The following ELSPBP1 variants were observed in gnomAD, a reference collection of about 807,000 sequenced individuals.
ELSPBP1 encodes the protein epididymal sperm-binding protein 1.
Under a neutral mutation model 33.3 loss-of-function variants are expected in ELSPBP1, and 38 were observed. The observed-to-expected ratio is 1.14, with a 90% CI of 0.88 to 1.50. The LOEUF is 1.50. Among genes scored for constraint, ELSPBP1 ranks in the 40% most tolerant of loss-of-function variants. ELSPBP1 has a pLI of 0.00. For missense variants in ELSPBP1, 267 were observed against 263.5 expected (o/e 1.01, Z -0.09); for synonymous variants, 85 against 94.1 (o/e 0.90, Z 0.56).
At chr19:48,002,295 C>T (rs749854515) in intron 1 of ELSPBP1, among the ~76,000 whole-genome samples, 15 of 152,138 alleles carry the variant, frequency 9.9e-5, no homozygotes, top group Non-Finnish European at 1.8e-4. Context: ...CTGTCTGGAT[C>T]TTAGCATCTA....
intron 6 of ELSPBP1, among the ~76,000 whole-genome samples, chr19:48,023,389 G>GA (rs149811275): frequency 0.47 from 47,338 of 99,776 alleles, 11,456 homozygotes; most frequent in East Asian, 0.75. Context: ...AAGGAGGGAG[G>GA]AGGGAGGGAG....
At position 48,014,297 on chromosome 19, in the gene ELSPBP1, G is replaced by A. The variant is rs1967108759; in HGVS notation, c.197G>A (p.Cys66Tyr). Reference protein sequence around the residue: ...RAVYNGQWKYCQSEDYPRCIF... With the variant: ...RAVYNGQWKYYQSEDYPRCIF... ...GTGTACAACGGCCAGTGGAAGTACT[G>A]CCAGAGTGAAGGTGAGTGGTATCAC... The change falls in exon 3 of 7, where the codon TGC becomes TAC. Residue 66 changes from cysteine (C) to tyrosine (Y), a missense_variant. Coordinates refer to ENST00000339841, the MANE Select transcript of ELSPBP1 (RefSeq NM_022142.5). The A allele has an allele frequency of 1.2e-6, 2 of 1,613,506 alleles. No individual in the cohort carries two copies. Among genetic ancestry groups the A allele is most frequent in the South Asian group, 2.2e-5 (2 of 91,078 alleles).
Position 47,995,232 on chromosome 19 carries a change from GAA to G in ELSPBP1, c.-18+422_-18+423del, listed in dbSNP as rs559455630. ...GAAGGGGACAGCCAGAGAAAGTAGG[GAA>G]GGTGGTCTTGTGGGTGAGGTCCTTT... On this transcript the variant is annotated intron_variant, in intron 1 of 6. Coordinates refer to ENST00000339841, the MANE Select transcript of ELSPBP1 (RefSeq NM_022142.5). Among the ~76,000 whole-genome samples the G allele has an allele frequency of 3.9e-3, 591 of 152,298 alleles. 1 individual carries two copies. The highest frequency in any genetic ancestry group is 0.014 in the African/African-American group (564 of 41,564).
At chr19:48,016,559 CCTT>C (rs1967143960) in intron 4 of ELSPBP1, among the ~76,000 whole-genome samples, 1 of 85,342 alleles carries the variant, frequency 1.2e-5, no homozygotes, top group Non-Finnish European at 2.5e-5. Flanking sequence ...TTCCTTCCTT[CCTT>C]CCTTCCTCCC....
intron 2 of ELSPBP1, 110 bp downstream of exon 2, chr19:48,008,847 CAGA>C (rs1356174486): frequency 1.1e-5 from 11 of 986,730 alleles, no homozygotes; most frequent in African/African-American, 1.6e-5. Flanking sequence ...GCAAAAATCT[CAGA>C]AGAAGCTGGG....
intron 3 of ELSPBP1, among the ~76,000 whole-genome samples, chr19:48,015,217 G>A (rs557616002): frequency 4.6e-5 from 7 of 152,178 alleles, no homozygotes; most frequent in Non-Finnish European, 1.0e-4. Flanking sequence ...CAGCATAAAG[G>A]TCATTAGCAT....
In ELSPBP1 at chr19:48,009,532, A is replaced by G. The variant is rs139675927; in HGVS notation, c.70+795A>G. ...TCATTCACTCAAGCCTTGGTGAGTC[A>G]TTCTTCACAATTAGAATCCTTTTCT... On this transcript the variant is annotated intron_variant, in intron 2 of 6. Transcript: ENST00000339841. Among the ~76,000 whole-genome samples, 1,099 of 152,344 alleles carry G rather than the reference A, an allele frequency of 7.2e-3. 8 individuals are homozygous for G. Among genetic ancestry groups the G allele is most frequent in the South Asian group, 0.014 (66 of 4,824 alleles).
intron 1 of ELSPBP1, among the ~76,000 whole-genome samples, chr19:47,995,549 C>G (rs1966904694): frequency 6.6e-6 from 1 of 152,160 alleles, no homozygotes; most frequent in South Asian, 2.1e-4. Context: ...GCTTCTCCCT[C>G]CAAAGGCAGC....
chr19:48,011,331 CTGA>C lies in ELSPBP1; in HGVS notation c.70+2604_70+2606del, dbSNP rs796241342. Among the ~76,000 whole-genome samples, 153 of 147,768 alleles carry C rather than the reference CTGA, an allele frequency of 1.0e-3. 2 individuals carry two copies. The South Asian group carries it at 0.026, about 25-fold the overall frequency. ...AGGTTGATAATGATGGTGACAATGA[CTGA>C]TGATGATGACAATTATGACGATGAT... On this transcript the variant is annotated intron_variant, in intron 2 of 6. Coordinates refer to ENST00000339841, the MANE Select transcript of ELSPBP1 (RefSeq NM_022142.5). This position sits in a 1 kb window ranked among gnomAD's most constrained non-coding sequence, Gnocchi z 4.5.
chr19:48,015,109 C>T (rs1287599611), intron 3 of ELSPBP1, among the ~76,000 whole-genome samples: 5 of 151,866 alleles, frequency 3.3e-5, no homozygotes, highest in East Asian at 1.9e-4. Context: ...TATTATATAC[C>T]GTATCTCATA....
At chr19:48,018,303 T>C (rs1967163548) in intron 4 of ELSPBP1, among the ~76,000 whole-genome samples, 1 of 152,132 alleles carries the variant, frequency 6.6e-6, no homozygotes, top group African/African-American at 2.4e-5. Context: ...ATCACAGGGT[T>C]TTTGTAAAGA....
At chr19:48,021,743 C>T (rs1320166433) in intron 5 of ELSPBP1, among the ~76,000 whole-genome samples, 2 of 152,056 alleles carry the variant, frequency 1.3e-5, no homozygotes, top group Non-Finnish European at 2.9e-5. Context: ...AGCCACAAAG[C>T]GCAGCCACAT....
chr19:48,005,737 T>G (rs986072069), intron 1 of ELSPBP1, among the ~76,000 whole-genome samples: 2 of 152,156 alleles, frequency 1.3e-5, no homozygotes, highest in Admixed American at 6.5e-5. Context: ...CATCGTACAT[T>G]GGTTAAGAGC....
chr19:48,009,461 G>A (rs1967056050), intron 2 of ELSPBP1, among the ~76,000 whole-genome samples: 1 of 152,124 alleles, frequency 6.6e-6, no homozygotes, highest in Non-Finnish European at 1.5e-5. Context: ...CTAAAAGACT[G>A]TAAGGTAAGC....
At chr19:48,004,018 A>G (rs553091067) in intron 1 of ELSPBP1, among the ~76,000 whole-genome samples, 9 of 150,586 alleles carry the variant, frequency 6.0e-5, no homozygotes, top group Admixed American at 3.3e-4. Context: ...ATCTCGGCTC[A>G]CAGCAACCTC....
intron 2 of ELSPBP1, 101 bp downstream of exon 2, chr19:48,008,838 C>CA: frequency 9.4e-7 from 1 of 1,059,446 alleles, no homozygotes; most frequent in Non-Finnish European, 1.4e-6. Context: ...GATGGCTTAG[C>CA]AAAAATCTCA....
chr19:48,024,921 T>G (rs140368791), intron 6 of ELSPBP1, 31 bp from the exon 7 acceptor site: 13 of 152,348 alleles, frequency 8.5e-5, no homozygotes, highest in African/African-American at 3.1e-4. Flanking sequence ...TACTTATTCA[T>G]TAAACTCAGA....
rs1430391050 is a variant in ELSPBP1, at chr19:47,994,792, C to T, written c.-37C>T. On this transcript the variant is annotated 5_prime_UTR_variant, in exon 1 of 7. Transcript: ENST00000339841. The stretch of plus-strand genomic sequence containing the variant: ...GAGAGATCGTGGAGAGAGCCAGGGC[C>T]CAGAAGAACTCTCTCAAAGGTACAT... 1 of 152,132 alleles carries T rather than the reference C, an allele frequency of 6.6e-6. No homozygotes were observed. The highest frequency in any genetic ancestry group is 2.4e-5 in the African/African-American group (1 of 41,424). The allele number at this position is 152,132 out of a possible 1,614,324, so 9.4% of individuals were successfully genotyped here. A position where few individuals can be genotyped will look rare whatever the true frequency, so the allele number is the denominator to read the frequency against.
In ELSPBP1 at chr19:48,011,204, T is replaced by C. The variant is rs924782366; in HGVS notation, c.70+2467T>C. ...ATAATGATTACAATAATGATGACAA[T>C]GATGATGAGAATGACAATAATGGGG... On this transcript the variant is annotated intron_variant, in intron 2 of 6. Coordinates refer to ENST00000339841, the MANE Select transcript of ELSPBP1 (RefSeq NM_022142.5). This position sits in a 1 kb window ranked among gnomAD's most constrained non-coding sequence, Gnocchi z 4.5. Among the ~76,000 whole-genome samples, 1 of 138,578 alleles carries C rather than the reference T, an allele frequency of 7.2e-6. No homozygotes were observed. Among genetic ancestry groups the C allele is most frequent in the Non-Finnish European group, 1.6e-5 (1 of 63,770 alleles). 90.9% of individuals were successfully genotyped at this position (138,578 alleles called of 152,430 possible).
Sources: gnomAD v4.1 joint callset for allele counts (sites outside exome capture counted in the v4.1 genomes callset) on GRCh38, gnomAD v4.1.1 for gene constraint, Gnocchi (gnomAD v3.1) non-coding constraint, MANE v1.5 for transcripts, NCBI Gene and HGNC (gene_info 2026-07-23, HGNC 2026-07-21) for gene names.